Variants in PWWP2A observed in about 807,000 individuals in gnomAD.
PWWP2A encodes the protein PWWP domain containing 2A.
Under a neutral mutation model 48.5 loss-of-function variants are expected in PWWP2A, and 18 were observed. The observed-to-expected ratio is 0.37, with a 90% confidence interval of 0.26 to 0.55. PWWP2A has a LOEUF of 0.55. Among genes scored for constraint, PWWP2A ranks in the 20% least tolerant of loss-of-function variants. The pLI is 0.81. For synonymous variants in PWWP2A, 396 were observed against 387.7 expected, an observed-to-expected ratio of 1.02 and a Z score of -0.25; for missense variants, 867 against 976.4, an observed-to-expected ratio of 0.89 and a Z score of 1.49.
chr5:160,073,004 C>CAAAAAAAAAAAA (rs35836307), downstream of PWWP2A, among the ~76,000 whole-genome samples: 24 of 58,858 alleles, frequency 4.1e-4, no homozygotes, highest in African/African-American at 1.7e-3. Context: ...GGCTCCGTCT[C>CAAAAAAAAAAAA]AAAAAAAAAA....
intron 1 of PWWP2A, chr5:160,116,610 C>A (rs548297555): frequency 1.4e-5 from 13 of 957,394 alleles, no homozygotes; most frequent in Middle Eastern, 5.4e-4. Flanking sequence ...AATAGCAATT[C>A]TCCACTAAAG....
At chr5:160,104,989 C>A (rs1307198426) in intron 1 of PWWP2A, among the ~76,000 whole-genome samples, 1 of 152,122 alleles carries the variant, frequency 6.6e-6, no homozygotes, top group Non-Finnish European at 1.5e-5. Context: ...CGCCTGTAAT[C>A]CAAGCATTTC....
chr5:160,053,464 T>C, the PWWP2A span, among the ~76,000 whole-genome samples: 1 of 152,046 alleles, frequency 6.6e-6, no homozygotes, highest in Non-Finnish European at 1.5e-5. Context: ...CTTAGGAGGC[T>C]GCTGTGGGAG....
chr5:160,100,038 C>T (rs764125851), intron 1 of PWWP2A, among the ~76,000 whole-genome samples: 4 of 151,930 alleles, frequency 2.6e-5, no homozygotes, highest in South Asian at 2.1e-4. Flanking sequence ...CAGTGGCTCA[C>T]GCCTGTAATC....
Position 160,092,667 on chromosome 5 carries a change from G to T in PWWP2A, c.1983C>A (p.Ala661=). 6.4e-7 allele frequency: 1 copy of T among 1,551,658 alleles called. No homozygotes were observed. Among genetic ancestry groups the T allele is most frequent in the South Asian group, 1.2e-5 (1 of 84,064 alleles). ...RTICVGDIVW[A]KIYGFPWWPA... ...GCCACCAAGGGAAGCCATATATCTTGGCCCAAACAATGTCCCCTACACATA... is the reference window on the plus strand; with the variant it reads ...GCCACCAAGGGAAGCCATATATCTTTGCCCAAACAATGTCCCCTACACATA... Residue 661 remains alanine, a synonymous_variant, in exon 2 of 2, where the codon GCC becomes GCA. Coordinates refer to ENST00000307063, the MANE Select transcript of PWWP2A (RefSeq NM_001130864.2).
chr5:160,095,290 T>A (rs113532646), intron 1 of PWWP2A, among the ~76,000 whole-genome samples: 1 of 152,102 alleles, frequency 6.6e-6, no homozygotes, highest in African/African-American at 2.4e-5. Context: ...TGGTATCTAA[T>A]ACGAATCTTT....
At chr5:160,052,349 A>G in the PWWP2A span, among the ~76,000 whole-genome samples, 24 of 152,144 alleles carry the variant, frequency 1.6e-4, no homozygotes, top group Middle Eastern at 3.4e-3. Flanking sequence ...ACAAAAAATT[A>G]GTCAGGCATG....
chr5:160,082,966 C>G (rs960604131), intron 2 of PWWP2A, among the ~76,000 whole-genome samples: 2 of 152,076 alleles, frequency 1.3e-5, no homozygotes, highest in African/African-American at 2.4e-5. Flanking sequence ...TTAGCGTGCA[C>G]GAAAGAAGTA....
Position 160,092,484 on chromosome 5 carries a change from C to CT in PWWP2A, c.2165dup (p.Lys723GlufsTer15). ...CCTTGCGATACAGGCCCTTTCTCTT[C>CT]TTATTAAAGCGTGACTGGAAGTTTT... On this transcript the variant is annotated frameshift_variant, in exon 2 of 2. Coordinates refer to ENST00000307063, the MANE Select transcript of PWWP2A (RefSeq NM_001130864.2). LOFTEE classifies it high-confidence loss of function. 2 of 1,551,642 alleles carry CT rather than the reference C, an allele frequency of 1.3e-6. No individual in the cohort carries two copies. Among genetic ancestry groups the CT allele is most frequent in the Non-Finnish European group, 1.7e-6 (2 of 1,146,988 alleles).
chr5:160,105,796 T>G, intron 1 of PWWP2A: 2 of 189,710 alleles, frequency 1.1e-5, no homozygotes, highest in Non-Finnish European at 1.9e-5. Context: ...AAAAAAAAAA[T>G]TCCTCAAAGA....
intron 1 of PWWP2A, among the ~76,000 whole-genome samples, chr5:160,103,633 A>G (rs1756535262): frequency 6.6e-6 from 1 of 152,102 alleles, no homozygotes; most frequent in African/African-American, 2.4e-5. Context: ...TTAAGTGAAG[A>G]GCAAAACAGG....
intron 1 of PWWP2A, among the ~76,000 whole-genome samples, chr5:160,117,296 T>A (rs2431740): frequency 0.58 from 87,344 of 151,840 alleles, 25,221 homozygotes; most frequent in East Asian, 0.62. Flanking sequence ...CCTGTCTCTA[T>A]TAAATAAGTA....
chr5:160,051,266 T>G, the PWWP2A span: 1 of 1,166,872 alleles, frequency 8.6e-7, no homozygotes, highest in Non-Finnish European at 1.2e-6. Flanking sequence ...GGAGAACACA[T>G]GAGTTAGAAA....
downstream of PWWP2A, among the ~76,000 whole-genome samples, chr5:160,073,924 G>A (rs1380950958): frequency 6.6e-6 from 1 of 151,740 alleles, no homozygotes; most frequent in African/African-American, 2.4e-5. Context: ...AATTAGCCGG[G>A]CATGGGGGTA....
chr5:160,065,311 CT>C (rs905572479), intron 4 of PWWP2A: 12 of 632,050 alleles, frequency 1.9e-5, no homozygotes, highest in Non-Finnish European at 3.2e-5. Flanking sequence ...CCGATTCTGG[CT>C]GTCCTATGTC....
At chr5:160,069,968 G>T (rs1359985590) in intron 2 of PWWP2A, among the ~76,000 whole-genome samples, 1 of 152,054 alleles carries the variant, frequency 6.6e-6, no homozygotes, top group Non-Finnish European at 1.5e-5. Context: ...ACACTGTATC[G>T]TAACTACTTT....
At chr5:160,050,391 G>A in the PWWP2A span, among the ~76,000 whole-genome samples, 1 of 152,156 alleles carries the variant, frequency 6.6e-6, no homozygotes, top group Non-Finnish European at 1.5e-5. Flanking sequence ...AGGTTGCAGT[G>A]AGCTGAGATT....
the PWWP2A span, chr5:160,049,581 C>T: frequency 2.5e-6 from 4 of 1,612,044 alleles, no homozygotes; most frequent in East Asian, 4.5e-5. Flanking sequence ...AGAAGACGGA[C>T]AAGCTAGATG....
rs142100352 is a variant in PWWP2A, at chr5:160,103,954, TCTA to T, written c.585-9892_585-9890del. 7.3e-3 allele frequency among the ~76,000 whole-genome samples: 1,104 copies of T among 151,496 alleles called. 5 individuals carry two copies. The highest frequency in any genetic ancestry group is 9.9e-3 in the Non-Finnish European group (672 of 67,878). The stretch of plus-strand genomic sequence containing the variant: ...CTGGCCAACGTGGTGAAACCCCACC[TCTA>T]CTACAAATACAAAAAAATTAGAAGG... On this transcript the variant is annotated intron_variant, in intron 1 of 1. Coordinates refer to ENST00000307063, the MANE Select transcript of PWWP2A (RefSeq NM_001130864.2).
Sources: gnomAD v4.1 joint callset for allele counts (sites outside exome capture counted in the v4.1 genomes callset) on GRCh38, gnomAD v4.1.1 for gene constraint, MANE v1.5 for transcripts, NCBI Gene and HGNC (gene_info 2026-07-23, HGNC 2026-07-21) for gene names.